The following SYN3 variants were observed in gnomAD, a reference collection of about 807,000 sequenced individuals.
SYN3 encodes the protein synapsin III.
A neutral mutation model predicts 65.8 loss-of-function variants in SYN3; 35 were observed. The observed-to-expected ratio is 0.53, with a 90% confidence interval of 0.41 to 0.70. SYN3 has a LOEUF of 0.70. Ranked by LOEUF, SYN3 falls within the 30% of genes least tolerant of loss-of-function variation. The pLI is 0.00. For missense variants in SYN3, 680 were observed against 749.0 expected (o/e 0.91, Z 1.08); for synonymous variants, 270 against 292.9 (o/e 0.92, Z 0.80).
intron 6 of SYN3, among the ~76,000 whole-genome samples, chr22:32,709,823 C>T (rs190516367): frequency 7.9e-5 from 12 of 151,984 alleles, no homozygotes; most frequent in Non-Finnish European, 1.5e-4. Context: ...GGAGAAGTTC[C>T]CTATCAATAT....
intron 6 of SYN3, among the ~76,000 whole-genome samples, chr22:32,800,707 T>C (rs9619311): frequency 0.39 from 59,504 of 152,048 alleles, 13,424 homozygotes; most frequent in African/African-American, 0.63. Context: ...AGGGTGGAGC[T>C]CTGTCAGCCA....
chr22:32,769,945 T>C (rs1041565055), intron 6 of SYN3, among the ~76,000 whole-genome samples: 5 of 152,188 alleles, frequency 3.3e-5, no homozygotes, highest in South Asian at 2.1e-4. Context: ...CAAATTTACA[T>C]AGATTCAACT....
At chr22:32,581,844 T>A (rs1454948939) in intron 7 of SYN3, among the ~76,000 whole-genome samples, 1 of 141,356 alleles carries the variant, frequency 7.1e-6, no homozygotes. Flanking sequence ...TGGCCCAGGT[T>A]GGAGTGCGGT....
In SYN3 at chr22:32,580,077, C is replaced by T. The variant is rs372417826; in HGVS notation, c.774+16597G>A. 3.7e-4 allele frequency among the ~76,000 whole-genome samples: 57 copies of T among 152,280 alleles called. No individual in the cohort carries two copies. The South Asian group carries it at 1.0e-2, about 27-fold the overall frequency. ...CCGCTGTCCAGGGCCCTGGCCTAGG[C>T]GGGGAGGGGAGCTGAGGTCACTGGG... On this transcript the variant is annotated intron_variant, in intron 7 of 13. Coordinates refer to ENST00000358763, the MANE Select transcript of SYN3 (RefSeq NM_003490.4).
intron 6 of SYN3, among the ~76,000 whole-genome samples, chr22:32,653,813 A>G (rs2060105681): frequency 6.6e-6 from 1 of 152,236 alleles, no homozygotes; most frequent in Admixed American, 6.5e-5. Flanking sequence ...CTCCACATAC[A>G]GAGCCTTTTC....
chr22:32,551,441 C>A (rs957610627), intron 7 of SYN3, among the ~76,000 whole-genome samples: 1 of 151,370 alleles, frequency 6.6e-6, no homozygotes, highest in African/African-American at 2.4e-5. Context: ...GATAGAGGAA[C>A]AACATGGAGC....
chr22:32,925,866 C>CTTTTT (rs34649323), intron 4 of SYN3, among the ~76,000 whole-genome samples: 13,537 of 132,550 alleles, frequency 0.1, 1,269 homozygotes, highest in East Asian at 0.4. Flanking sequence ...GATAGTTGTT[C>CTTTTT]TTTTTTTTTT....
chr22:32,637,630 C>CTT lies in SYN3; in HGVS notation c.712-40896_712-40895dup, dbSNP rs1185407986. On this transcript the variant is annotated intron_variant, in intron 6 of 13. Coordinates refer to ENST00000358763, the MANE Select transcript of SYN3 (RefSeq NM_003490.4). ...AGTTAGGTTTTCTTTTTTTCTTTTT[C>CTT]TTTTTTTTTTTTTTTTTTTTTTTTT... 4.5e-3 allele frequency among the ~76,000 whole-genome samples: 425 copies of CTT among 93,534 alleles called. 1 individual carries two copies. Among genetic ancestry groups the CTT allele is most frequent in the East Asian group, 0.016 (44 of 2,802 alleles). 61.4% of individuals were successfully genotyped at this position (93,534 alleles called of 152,430 possible).
At chr22:32,607,340 A>T (rs1698608127) in intron 6 of SYN3, among the ~76,000 whole-genome samples, 1 of 152,080 alleles carries the variant, frequency 6.6e-6, no homozygotes, top group Non-Finnish European at 1.5e-5. Flanking sequence ...AACATTTCCA[A>T]ACAACTGCAT....
chr22:32,705,943 C>G (rs1359873147), intron 6 of SYN3, among the ~76,000 whole-genome samples: 1 of 152,154 alleles, frequency 6.6e-6, no homozygotes, highest in African/African-American at 2.4e-5. Flanking sequence ...TGTTTATCAG[C>G]TTAAAGAGCT....
intron 12 of SYN3, among the ~76,000 whole-genome samples, chr22:32,524,587 T>C (rs1360637784): frequency 2.0e-5 from 3 of 152,256 alleles, no homozygotes; most frequent in Admixed American, 6.5e-5. Context: ...TCATTGACAA[T>C]GCATCTATCC....
chr22:32,888,779 G>T (rs9609651), intron 4 of SYN3, among the ~76,000 whole-genome samples: 16,611 of 152,138 alleles, frequency 0.11, 1,403 homozygotes, highest in East Asian at 0.44. Flanking sequence ...CAATGGAAAT[G>T]GTCACTGGAG....
chr22:32,688,676 C>T (rs1169852583), intron 6 of SYN3, among the ~76,000 whole-genome samples: 2 of 151,814 alleles, frequency 1.3e-5, no homozygotes, highest in Non-Finnish European at 1.5e-5. Flanking sequence ...TCACCTGCTC[C>T]TCAGGCAGAG....
chr22:32,947,764 A>T (rs1307334560), intron 3 of SYN3, among the ~76,000 whole-genome samples: 1 of 152,234 alleles, frequency 6.6e-6, no homozygotes, highest in African/African-American at 2.4e-5. Context: ...CTGCCATAAA[A>T]GTTATCACAA....
chr22:32,868,225 T>A (rs866270296), intron 5 of SYN3, among the ~76,000 whole-genome samples: 3 of 152,184 alleles, frequency 2.0e-5, no homozygotes, highest in South Asian at 4.1e-4. Flanking sequence ...ATATGGTGCA[T>A]CTTTATGACT....
chr22:32,850,381 C>T (rs981858542), intron 6 of SYN3, among the ~76,000 whole-genome samples: 4 of 151,994 alleles, frequency 2.6e-5, no homozygotes, highest in Admixed American at 2.0e-4. Context: ...TCTAAGCACC[C>T]TGGGATGCGG....
chr22:32,586,143 T>C (rs1282965746), intron 7 of SYN3, among the ~76,000 whole-genome samples: 1 of 151,128 alleles, frequency 6.6e-6, no homozygotes, highest in Non-Finnish European at 1.5e-5. Flanking sequence ...TATATACATA[T>C]ACACATATAC....
At chr22:32,887,457 C>A (rs2049324718) in intron 4 of SYN3, among the ~76,000 whole-genome samples, 1 of 152,046 alleles carries the variant, frequency 6.6e-6, no homozygotes, top group South Asian at 2.1e-4. Context: ...CTCACAGTCA[C>A]AAGAAAAATG....
intron 3 of SYN3, among the ~76,000 whole-genome samples, chr22:32,950,521 C>T (rs1009853780): frequency 6.6e-6 from 1 of 151,958 alleles, no homozygotes; most frequent in Non-Finnish European, 1.5e-5. Flanking sequence ...GCAACTCTGA[C>T]TTCCAATCTA....
Sources: allele counts gnomAD v4.1 joint callset (sites outside exome capture counted in the v4.1 genomes callset), GRCh38; gene constraint gnomAD v4.1.1; transcripts MANE v1.5; gene names NCBI Gene and HGNC (gene_info 2026-07-23, HGNC 2026-07-21).